ABL1: variants seen among roughly 807,000 people sequenced by gnomAD.
The protein encoded by ABL1 is tyrosine-protein kinase ABL1.
In ABL1, 11 loss-of-function variants were observed where a neutral mutation model predicts 94.7. The ratio of observed to expected loss-of-function variants is 0.12; its 90% CI spans 0.07 to 0.19. The LOEUF is 0.19. ABL1 is among the 10% of genes least tolerant of loss of function. The pLI, the probability that ABL1 is intolerant of heterozygous loss-of-function variation, is 1.00. For missense variants in ABL1, 1,082 were observed against 1,489.4 expected, an observed-to-expected ratio of 0.73 and a Z score of 4.50; for synonymous variants, 656 against 622.4, an observed-to-expected ratio of 1.05 and a Z score of -0.80.
At chr9:130,716,026 A>G (rs1180307518) in intron 1 of ABL1, among the ~76,000 whole-genome samples, 1 of 95,050 alleles carries the variant, frequency 1.1e-5, no homozygotes, top group Non-Finnish European at 2.7e-5. Flanking sequence ...ATATATATAT[A>G]CACACACACA....
chr9:130,737,900 G>A lies in ABL1; in HGVS notation c.136+23445G>A, dbSNP rs140558041. ...GGCCGGAGTGCAGTGGCACAATCTC[G>A]GCTCACTGCAACCTCCACCTCCCAG... On this transcript the variant is annotated intron_variant, in intron 1 of 10. Transcript: ENST00000372348. Among the ~76,000 whole-genome samples, 4 of 148,028 alleles carry A rather than the reference G, an allele frequency of 2.7e-5. No homozygotes were observed. In the East Asian group the frequency reaches 6.0e-4, roughly 22 times the overall value.
intron 3 of ABL1, among the ~76,000 whole-genome samples, chr9:130,859,718 T>G (rs1831037802): frequency 7.7e-6 from 1 of 130,694 alleles, no homozygotes; most frequent in African/African-American, 3.0e-5. Flanking sequence ...AGACAGGCTG[T>G]CACCCAGGCT....
At chr9:130,728,061 T>C (rs548482305) in intron 1 of ABL1, among the ~76,000 whole-genome samples, 40 of 152,008 alleles carry the variant, frequency 2.6e-4, no homozygotes, top group African/African-American at 8.0e-4. Context: ...TTTTTGCCTC[T>C]TTTTTTGTTT....
chr9:130,844,723 C>T, intron 1 of ABL1, among the ~76,000 whole-genome samples: 1 of 152,106 alleles, frequency 6.6e-6, no homozygotes, highest in South Asian at 2.1e-4. Flanking sequence ...CTCACTTGAA[C>T]CCGGGAGGCG....
chr9:130,855,681 C>T (rs1830963366), intron 3 of ABL1, among the ~76,000 whole-genome samples: 1 of 152,074 alleles, frequency 6.6e-6, no homozygotes, highest in South Asian at 2.1e-4. Context: ...ATTTTGTGGT[C>T]TTCATATAAA....
intron 1 of ABL1, among the ~76,000 whole-genome samples, chr9:130,733,882 G>T (rs532791709): frequency 6.6e-6 from 1 of 152,218 alleles, no homozygotes; most frequent in South Asian, 2.1e-4. Context: ...GAGCCACTAC[G>T]CCTGGCCTGT....
At chr9:130,801,448 G>A (rs1448761784) in intron 1 of ABL1, among the ~76,000 whole-genome samples, 1 of 151,594 alleles carries the variant, frequency 6.6e-6, no homozygotes, top group African/African-American at 2.4e-5. Context: ...GGATGGTCTC[G>A]ATCTCTTGAC....
chr9:130,784,424 G>A (rs1829800572), intron 1 of ABL1, among the ~76,000 whole-genome samples: 1 of 152,172 alleles, frequency 6.6e-6, no homozygotes, highest in African/African-American at 2.4e-5. Context: ...TCTAGAAATG[G>A]GGAGAAGCAA....
At chr9:130,733,775 A>G (rs1831698341) in intron 1 of ABL1, among the ~76,000 whole-genome samples, 1 of 151,758 alleles carries the variant, frequency 6.6e-6, no homozygotes, top group African/African-American at 2.4e-5. Flanking sequence ...TATTTTTAGT[A>G]GAGATGGGGT....
chr9:130,723,843 G>A (rs1440781346), intron 1 of ABL1, among the ~76,000 whole-genome samples: 1 of 150,976 alleles, frequency 6.6e-6, no homozygotes, highest in African/African-American at 2.4e-5. Flanking sequence ...ATGGAGTCTC[G>A]CTCTGTCACC....
Position 130,885,768 on chromosome 9 carries a change from A to C in ABL1, c.*85A>C. 6.7e-7 allele frequency: 1 copy of C among 1,494,218 alleles called. No individual in the cohort carries two copies. Among genetic ancestry groups the C allele is most frequent in the Non-Finnish European group, 8.9e-7 (1 of 1,117,380 alleles). 92.6% of individuals were successfully genotyped at this position (1,494,218 alleles called of 1,614,324 possible). On this transcript the variant is annotated 3_prime_UTR_variant, in exon 11 of 11. Transcript: ENST00000318560. ...CCCATACCCGTGACAGTGGCTGACAAGGGACTAGTGAGTCAGCACCTTGGC... is the reference window on the plus strand; with the variant it reads ...CCCATACCCGTGACAGTGGCTGACACGGGACTAGTGAGTCAGCACCTTGGC...
chr9:130,865,713 T>TCCTA, intron 4 of ABL1, among the ~76,000 whole-genome samples: 1 of 131,054 alleles, frequency 7.6e-6, no homozygotes, highest in Non-Finnish European at 1.5e-5. Context: ...GCCACTGCAC[T>TCCTA]CCTACCTGGG....
intron 1 of ABL1, among the ~76,000 whole-genome samples, chr9:130,750,423 C>T (rs377372288): frequency 0.081 from 2,613 of 32,082 alleles, 248 homozygotes; most frequent in African/African-American, 0.27. Flanking sequence ...CTCCCTCCCT[C>T]CCTCCCTCCC....
intron 1 of ABL1, among the ~76,000 whole-genome samples, chr9:130,803,376 T>C (rs566543014): frequency 1.3e-5 from 2 of 152,340 alleles, no homozygotes; most frequent in South Asian, 4.1e-4. Context: ...GCTTCTCTTT[T>C]CTGAGCCACC....
rs375121886 is a variant in ABL1 at position 130,885,194 on chromosome 9, C to A, written c.2904C>A (p.Ser968=). Residue 968 remains serine, a synonymous_variant, in exon 11 of 11, where the codon TCC becomes TCA. Coordinates refer to ENST00000318560, the MANE Select transcript of ABL1 (RefSeq NM_005157.6). ...PVLPATPKPQ[S]AKPSGTPISP... ...TCCCGGCCACTCCAAAGCCACAGTC[C>A]GCCAAGCCGTCGGGGACCCCCATCA... The A allele has an allele frequency of 6.2e-7, 1 of 1,613,530 alleles. No individual in the cohort carries two copies. The highest frequency in any genetic ancestry group is 8.5e-7 in the Non-Finnish European group (1 of 1,179,988).
chr9:130,862,344 A>G lies in ABL1; in HGVS notation c.550-419A>G, dbSNP rs1208486577. ...TAATTAAGCAGATAAACAGGAAATT[A>G]TGAGCTAGTAGTGGGTCCATTGCTG... On this transcript the variant is annotated intron_variant, in intron 3 of 10. Transcript: ENST00000318560. The surrounding 1 kb of genome is among the most constrained non-coding windows in gnomAD (Gnocchi z 5.5). Among the ~76,000 whole-genome samples, 1 of 152,242 alleles carries G rather than the reference A, an allele frequency of 6.6e-6. No homozygotes were observed. Among genetic ancestry groups the G allele is most frequent in the African/African-American group, 2.4e-5 (1 of 41,470 alleles).
rs993307162 is a variant in ABL1, at chr9:130,814,864, C to G, written c.137-39200C>G. Among the ~76,000 whole-genome samples the G allele has an allele frequency of 4.0e-5, 6 of 150,066 alleles. No individual in the cohort carries two copies. Among genetic ancestry groups the G allele is most frequent in the African/African-American group, 1.5e-4 (6 of 40,502 alleles). On this transcript the variant is annotated intron_variant, in intron 1 of 10. Transcript: ENST00000372348. This position sits in a 1 kb window ranked among gnomAD's most constrained non-coding sequence, Gnocchi z 4.4. ...TGCACTCCAGCCTGGGTGACAGAGC[C>G]AGACTCTGTCTCAAAAAAATAAAAT...
In ABL1 at chr9:130,783,942, C is replaced by T. The variant is rs548731280; in HGVS notation, c.136+69487C>T. Among the ~76,000 whole-genome samples the T allele has an allele frequency of 8.5e-4, 130 of 152,232 alleles. 1 individual carries two copies. The highest frequency in any genetic ancestry group is 3.1e-3 in the African/African-American group (128 of 41,528). ...AAGTGCTGGGATTGCAGGGATTAGC[C>T]ACAGCACCCAGCTTGTGCATGTGTG... On this transcript the variant is annotated intron_variant, in intron 1 of 10. Coordinates refer to the ABL1 transcript ENST00000372348.
chr9:130,887,310 C>T lies in ABL1; in HGVS notation c.*1627C>T, dbSNP rs1831603320. 4.3e-6 allele frequency: 1 copy of T among 233,194 alleles called. No homozygotes were observed. The highest frequency in any genetic ancestry group is 2.2e-5 in the African/African-American group (1 of 45,358). 14.4% of individuals were successfully genotyped at this position (233,194 alleles called of 1,614,324 possible). On this transcript the variant is annotated 3_prime_UTR_variant, in exon 11 of 11. Coordinates refer to ENST00000318560, the MANE Select transcript of ABL1 (RefSeq NM_005157.6). The stretch of plus-strand genomic sequence containing the variant: ...TCTTACAGCACATCACCTCTTTGCC[C>T]CCGACGGCTGTGACGCAGCCGGAGG...
Sources: allele counts gnomAD v4.1 joint callset (sites outside exome capture counted in the v4.1 genomes callset), GRCh38; gene constraint gnomAD v4.1.1; non-coding constraint Gnocchi (gnomAD v3.1); transcripts MANE v1.5; gene names NCBI Gene and HGNC (gene_info 2026-07-23, HGNC 2026-07-21).